ZDHHC11: variants seen among roughly 807,000 people sequenced by gnomAD.
The protein encoded by ZDHHC11 is zDHHC palmitoyltransferase 11, also known as palmitoyltransferase ZDHHC11.
Under a neutral mutation model 51.3 loss-of-function variants are expected in ZDHHC11, and 44 were observed. The observed-to-expected ratio is 0.86, with a 90% CI of 0.67 to 1.10. The LOEUF (loss-of-function observed/expected upper bound fraction) is 1.10. ZDHHC11 is among the 50% of genes least tolerant of loss of function. The pLI, the probability that ZDHHC11 is intolerant of heterozygous loss-of-function variation, is 0.00. For missense variants in ZDHHC11, 400 were observed against 537.7 expected, an observed-to-expected ratio of 0.74 and a Z score of 2.53; for synonymous variants, 163 against 222.0, an observed-to-expected ratio of 0.73 and a Z score of 2.36.
chr5:804,081 TAC>T (rs1738888931), intron 11 of ZDHHC11, among the ~76,000 whole-genome samples: 1 of 150,818 alleles, frequency 6.6e-6, no homozygotes, highest in African/African-American at 2.4e-5. Context: ...GCAGAAAAAA[TAC>T]AGTGTTCGCC....
At position 849,898 on chromosome 5, in the gene ZDHHC11, G is replaced by A. The variant is rs144371452; in HGVS notation, c.222+483C>T. On this transcript the variant is annotated intron_variant, in intron 1 of 12. Coordinates refer to ENST00000283441, the MANE Select transcript of ZDHHC11 (RefSeq NM_024786.3). ...AGTCACCCTGCCTGGCCCCTGGACC[G>A]CCTTCTAGCCAGGAGTTCAGGGTTG... 404 of 161,502 alleles carry A rather than the reference G, an allele frequency of 2.5e-3. 2 individuals are homozygous for A. Among genetic ancestry groups the A allele is most frequent in the African/African-American group, 9.2e-3 (385 of 41,830 alleles). The allele number at this position is 161,502 out of a possible 1,614,324, so 10.0% of individuals were successfully genotyped here. A position where few individuals can be genotyped will look rare whatever the true frequency, so the allele number is the denominator to read the frequency against.
chr5:840,669 G>A lies in ZDHHC11; in HGVS notation c.629-19C>T, dbSNP rs1486545679. On this transcript the variant is annotated intron_variant, in intron 4 of 12. Transcript: ENST00000283441. ...TTGACATCTGGGGAGACAAGGGAGA[G>A]CCACTGTGTCCAGCACCTGCTGACG... 6.2e-7 allele frequency: 1 copy of A among 1,613,468 alleles called. No individual in the cohort carries two copies. The highest frequency in any genetic ancestry group is 1.1e-5 in the South Asian group (1 of 91,074).
At chr5:808,071 G>A (rs1329447780) in intron 11 of ZDHHC11, among the ~76,000 whole-genome samples, 1 of 150,262 alleles carries the variant, frequency 6.7e-6, no homozygotes, top group Non-Finnish European at 1.5e-5. Flanking sequence ...GACCTTCCGT[G>A]GTCAGAATGG....
intron 12 of ZDHHC11, among the ~76,000 whole-genome samples, chr5:797,574 C>T (rs1239331953): frequency 2.0e-5 from 3 of 151,174 alleles, no homozygotes; most frequent in Non-Finnish European, 3.0e-5. Flanking sequence ...TTGTTAAATC[C>T]ATCCACTTTA....
In ZDHHC11 at chr5:813,356, G is replaced by C. The variant is rs1248071639; in HGVS notation, c.1181+1405C>G. ...AAAATAAAAAAATAAAAAAATAAAT[G>C]TTCCTCCATGATCCAGGGCAGCTGG... On this transcript the variant is annotated intron_variant, in intron 11 of 12. Coordinates refer to ENST00000283441, the MANE Select transcript of ZDHHC11 (RefSeq NM_024786.3). Among the ~76,000 whole-genome samples, 8 of 141,908 alleles carry C rather than the reference G, an allele frequency of 5.6e-5. 2 individuals are homozygous for C. The highest frequency in any genetic ancestry group is 2.2e-4 in the African/African-American group (8 of 35,790). The allele number at this position is 141,908 out of a possible 152,430, so 93.1% of individuals were successfully genotyped here.
chr5:845,979 C>T (rs1445883774), intron 3 of ZDHHC11, among the ~76,000 whole-genome samples: 795 of 146,822 alleles, frequency 5.4e-3, no homozygotes, highest in Admixed American at 8.4e-3. Flanking sequence ...CACCAGGACC[C>T]GCCAGATTGA....
chr5:819,692 C>T, intron 9 of ZDHHC11, 80 bp from the exon 10 acceptor site: 1 of 1,424,644 alleles, frequency 7.0e-7, no homozygotes, highest in Non-Finnish European at 9.9e-7. Context: ...TACAGTGTGT[C>T]CTGTAAGCAC....
At position 816,351 on chromosome 5, in the gene ZDHHC11, G is replaced by A. The variant is rs1385644154; in HGVS notation, c.1147-1556C>T. On this transcript the variant is annotated intron_variant, in intron 10 of 12. Transcript: ENST00000283441. Reference sequence around the variant, plus strand: ...GGAGACTCAGAGGCGGACAGATGGCGGCAGCAGCTGCACGGGCGGGAGGGG... The same window carrying A: ...GGAGACTCAGAGGCGGACAGATGGCAGCAGCAGCTGCACGGGCGGGAGGGG... 12 of 358,054 alleles carry A rather than the reference G, an allele frequency of 3.4e-5. 1 individual carries two copies. In the East Asian group the frequency reaches 5.3e-4, roughly 16 times the overall value. The allele number at this position is 358,054 out of a possible 1,614,324, so 22.2% of individuals were successfully genotyped here.
chr5:801,743 T>C (rs1738451887), intron 11 of ZDHHC11, among the ~76,000 whole-genome samples: 1 of 151,278 alleles, frequency 6.6e-6, no homozygotes, highest in Non-Finnish European at 1.5e-5. Flanking sequence ...CGGGCTTAAC[T>C]TGCAACGCTG....
intron 6 of ZDHHC11, among the ~76,000 whole-genome samples, chr5:834,780 C>T (rs1371983189): frequency 1.3e-5 from 2 of 152,080 alleles, no homozygotes; most frequent in Admixed American, 6.5e-5. Flanking sequence ...TCTGTGTAAG[C>T]AGCTTTTAGC....
chr5:803,310 A>T (rs1281733745), intron 11 of ZDHHC11, among the ~76,000 whole-genome samples: 1 of 151,398 alleles, frequency 6.6e-6, no homozygotes, highest in African/African-American at 2.4e-5. Context: ...CCCTTGGAAG[A>T]TTTACAGAGA....
At position 801,661 on chromosome 5, in the gene ZDHHC11, G is replaced by A. The variant is rs1282919046; in HGVS notation, c.1182-497C>T. On this transcript the variant is annotated intron_variant, in intron 11 of 12. Coordinates refer to ENST00000283441, the MANE Select transcript of ZDHHC11 (RefSeq NM_024786.3). Reference sequence around the variant, plus strand: ...ACCCCAGCCAGCTAATGACTTGATTGTTTATGTGTGCTGGCCAGCTGGCAG... The same window carrying A: ...ACCCCAGCCAGCTAATGACTTGATTATTTATGTGTGCTGGCCAGCTGGCAG... Among the ~76,000 whole-genome samples the A allele has an allele frequency of 1.3e-5, 2 of 151,328 alleles. 1 individual carries two copies. Among genetic ancestry groups the A allele is most frequent in the African/African-American group, 4.9e-5 (2 of 41,188 alleles).
At chr5:815,644 A>G (rs1051180142) in intron 10 of ZDHHC11, among the ~76,000 whole-genome samples, 5 of 151,300 alleles carry the variant, frequency 3.3e-5, no homozygotes, top group Admixed American at 2.0e-4. Flanking sequence ...GTGTTGGGTC[A>G]TATCATAAGT....
At chr5:821,730 C>G (rs1310956563) in intron 9 of ZDHHC11, 131 bp downstream of exon 9, 9 of 910,084 alleles carry the variant, frequency 9.9e-6, no homozygotes, top group Non-Finnish European at 6.5e-6. Flanking sequence ...TCGAAAGTGC[C>G]ACCTCCTGGC....
intron 7 of ZDHHC11, among the ~76,000 whole-genome samples, chr5:829,578 G>A (rs1165281136): frequency 6.6e-6 from 1 of 151,370 alleles, no homozygotes; most frequent in Admixed American, 6.6e-5. Flanking sequence ...AGAAGGACTG[G>A]TACCAATCTT....
rs556928428 is a variant in ZDHHC11 at position 818,396 on chromosome 5, G to A, written c.1146+1129C>T. On this transcript the variant is annotated intron_variant, in intron 10 of 12. Coordinates refer to ENST00000283441, the MANE Select transcript of ZDHHC11 (RefSeq NM_024786.3). Reference sequence around the variant, plus strand: ...TGCAGGGAAGGGGCAAGGCTTGGACGCCAGCGTCGCTGTTCCTCCAGGCTG... The same window carrying A: ...TGCAGGGAAGGGGCAAGGCTTGGACACCAGCGTCGCTGTTCCTCCAGGCTG... 1.3e-4 allele frequency among the ~76,000 whole-genome samples: 19 copies of A among 151,832 alleles called. 1 individual carries two copies. In the South Asian group the frequency reaches 3.5e-3, roughly 28 times the overall value.
intron 11 of ZDHHC11, among the ~76,000 whole-genome samples, chr5:807,409 C>A (rs564879269): frequency 6.6e-6 from 1 of 151,292 alleles, no homozygotes; most frequent in South Asian, 2.1e-4. Context: ...GGAATAGGGG[C>A]CCCGTCTCAA....
chr5:844,326 C>T lies in ZDHHC11; in HGVS notation c.504-602G>A, dbSNP rs185382472. Among the ~76,000 whole-genome samples, 8 of 152,332 alleles carry T rather than the reference C, an allele frequency of 5.3e-5. No homozygotes were observed. The East Asian group carries it at 1.6e-3, about 30-fold the overall frequency. On this transcript the variant is annotated intron_variant, in intron 3 of 12. Transcript: ENST00000283441. Reference sequence around the variant, plus strand: ...GATTGCCTTTAATCCCCACAAGGAACAAGGAGGTTGTGAGGAGGGGGAACC... The same window carrying T: ...GATTGCCTTTAATCCCCACAAGGAATAAGGAGGTTGTGAGGAGGGGGAACC...
At chr5:852,988 C>T (rs1296227276), upstream of ZDHHC11, among the ~76,000 whole-genome samples, 1 of 145,738 alleles carries the variant, frequency 6.9e-6, no homozygotes, top group African/African-American at 2.6e-5. Context: ...CCACGGAGGA[C>T]AGCGAGCCAG....
Sources: allele counts gnomAD v4.1 joint callset (sites outside exome capture counted in the v4.1 genomes callset), GRCh38; gene constraint gnomAD v4.1.1; transcripts MANE v1.5; gene names NCBI Gene and HGNC (gene_info 2026-07-23, HGNC 2026-07-21).